FARS2: variants seen among roughly 807,000 people sequenced by gnomAD.
FARS2 encodes the protein phenylalanyl-tRNA synthetase 2, mitochondrial.
In FARS2, 40 loss-of-function variants were observed where a neutral mutation model predicts 46.4. The ratio of observed to expected loss-of-function variants is 0.86; its 90% CI spans 0.67 to 1.12. The LOEUF is 1.12. Among genes scored for constraint, FARS2 ranks in the 50% most tolerant of loss-of-function variants. FARS2 has a pLI of 0.00. For missense variants in FARS2, 513 were observed against 567.9 expected, an observed-to-expected ratio of 0.90 and a Z score of 0.98; for synonymous variants, 234 against 214.9, an observed-to-expected ratio of 1.09 and a Z score of -0.78.
intron 6 of FARS2, among the ~76,000 whole-genome samples, chr6:5,686,636 T>C (rs971110897): frequency 6.6e-6 from 1 of 152,260 alleles, no homozygotes; most frequent in African/African-American, 2.4e-5. Flanking sequence ...AAGTCTTTGC[T>C]ATTGTGAATA....
Position 5,613,256 on chromosome 6 carries a change from G to A in FARS2, c.1153G>A (p.Val385Ile), listed in dbSNP as rs777618372. The A allele has an allele frequency of 2.5e-6, 4 of 1,613,510 alleles. No individual in the cohort carries two copies. The South Asian group carries it at 3.3e-5, about 13-fold the overall frequency. The change falls in exon 6 of 7, where the codon GTC becomes ATC. Residue 385 changes from valine to isoleucine, a missense_variant. Val to Ile is a conservative substitution (Grantham distance 29). Coordinates refer to ENST00000274680, the MANE Select transcript of FARS2 (RefSeq NM_006567.5). ...CGCAGAAAATGATTTCTATGACTTAGTCCGAACAATTGGAGGAGACCTGGT... is the reference window on the plus strand; with the variant it reads ...CGCAGAAAATGATTTCTATGACTTAATCCGAACAATTGGAGGAGACCTGGT... ...NYAENDFYDL[V>I]RTIGGDLVEK...
intron 5 of FARS2, among the ~76,000 whole-genome samples, chr6:5,612,193 T>C (rs1775225929): frequency 6.6e-6 from 1 of 152,236 alleles, no homozygotes; most frequent in African/African-American, 2.4e-5. Flanking sequence ...ATCATTTATG[T>C]TTGAGCATTT....
At chr6:5,607,229 G>A (rs745315124) in intron 5 of FARS2, among the ~76,000 whole-genome samples, 11 of 151,628 alleles carry the variant, frequency 7.3e-5, no homozygotes, top group Non-Finnish European at 1.5e-4. Flanking sequence ...TTTAGTAGCT[G>A]AATAGAGACA....
At chr6:5,636,334 G>A (rs776384343) in intron 6 of FARS2, among the ~76,000 whole-genome samples, 1 of 152,164 alleles carries the variant, frequency 6.6e-6, no homozygotes, top group African/African-American at 2.4e-5. Context: ...TCGCTGTCTG[G>A]GGTGTCCACC....
At chr6:5,740,337 A>G (rs1761253241) in intron 6 of FARS2, among the ~76,000 whole-genome samples, 1 of 152,174 alleles carries the variant, frequency 6.6e-6, no homozygotes, top group Non-Finnish European at 1.5e-5. Context: ...TGGGAACCTC[A>G]TTGTAGAGCA....
intron 4 of FARS2, among the ~76,000 whole-genome samples, chr6:5,541,916 T>A (rs1480973236): frequency 6.6e-6 from 1 of 152,138 alleles, no homozygotes. Flanking sequence ...AAGTGAGGGT[T>A]CCTCCCCCTT....
chr6:5,408,298 T>C (rs1761732479), intron 3 of FARS2, among the ~76,000 whole-genome samples: 3 of 151,940 alleles, frequency 2.0e-5, no homozygotes, highest in South Asian at 4.2e-4. Context: ...CGCTGACACC[T>C]GGTAAGTGGG....
At chr6:5,701,389 G>A (rs749756341) in intron 6 of FARS2, among the ~76,000 whole-genome samples, 11 of 152,224 alleles carry the variant, frequency 7.2e-5, no homozygotes, top group African/African-American at 1.2e-4. Context: ...GGCGTGGGGC[G>A]TGTGTCATTG....
At chr6:5,464,364 G>A (rs1765402052) in intron 4 of FARS2, among the ~76,000 whole-genome samples, 1 of 152,230 alleles carries the variant, frequency 6.6e-6, no homozygotes, top group South Asian at 2.1e-4. Flanking sequence ...CCTCAGGCCA[G>A]TGTCCTCCAA....
At chr6:5,494,774 C>A (rs538347281) in intron 4 of FARS2, among the ~76,000 whole-genome samples, 1 of 152,284 alleles carries the variant, frequency 6.6e-6, no homozygotes, top group Non-Finnish European at 1.5e-5. Flanking sequence ...TAGTCTGTAC[C>A]AAGAGGCTTT....
chr6:5,390,625 A>G (rs539637522), intron 2 of FARS2, among the ~76,000 whole-genome samples: 33 of 152,338 alleles, frequency 2.2e-4, no homozygotes, highest in African/African-American at 4.8e-4. Context: ...AGTGTATATA[A>G]GGAACATTTA....
At position 5,593,942 on chromosome 6, in the gene FARS2, G is replaced by A. The variant is rs375409716; in HGVS notation, c.1066-19227G>A. On this transcript the variant is annotated intron_variant, in intron 5 of 6. Transcript: ENST00000274680. ...CACAGCAGCTAAATCCCTGGCTAAGGGTCTGTGGAAGGAGTGTTTCCACGT... is the reference window on the plus strand; with the variant it reads ...CACAGCAGCTAAATCCCTGGCTAAGAGTCTGTGGAAGGAGTGTTTCCACGT... Among the ~76,000 whole-genome samples the A allele has an allele frequency of 4.6e-5, 7 of 152,278 alleles. No individual in the cohort carries two copies. In the East Asian group the frequency reaches 7.7e-4, roughly 17 times the overall value.
At chr6:5,283,081 T>G (rs779291538) in intron 1 of FARS2, among the ~76,000 whole-genome samples, 139 of 150,310 alleles carry the variant, frequency 9.2e-4, no homozygotes, top group Non-Finnish European at 1.5e-3. Flanking sequence ...GACTAAAAAT[T>G]CAAAAAAAAT....
At chr6:5,758,659 C>A (rs1284645792) in intron 6 of FARS2, among the ~76,000 whole-genome samples, 3 of 152,176 alleles carry the variant, frequency 2.0e-5, no homozygotes, top group Non-Finnish European at 4.4e-5. Context: ...AGAATGTGTT[C>A]CCCTAAATGA....
At chr6:5,570,413 T>C (rs1772573193) in intron 5 of FARS2, among the ~76,000 whole-genome samples, 1 of 152,238 alleles carries the variant, frequency 6.6e-6, no homozygotes, top group South Asian at 2.1e-4. Flanking sequence ...CAACATCTTC[T>C]CTTTATTTCA....
chr6:5,693,706 T>A (rs1415968586), intron 6 of FARS2, among the ~76,000 whole-genome samples: 6 of 152,214 alleles, frequency 3.9e-5, no homozygotes, highest in African/African-American at 1.2e-4. Flanking sequence ...TGGGAGTGAC[T>A]GCTTGGCTAG....
At chr6:5,687,798 C>T (rs1190028929) in intron 6 of FARS2, among the ~76,000 whole-genome samples, 1 of 152,134 alleles carries the variant, frequency 6.6e-6, no homozygotes, top group Non-Finnish European at 1.5e-5. Context: ...GGCAGTATGG[C>T]CATTTTCATG....
chr6:5,581,845 C>CT (rs1773349886), intron 5 of FARS2, among the ~76,000 whole-genome samples: 1 of 151,726 alleles, frequency 6.6e-6, no homozygotes, highest in Non-Finnish European at 1.5e-5. Context: ...TAACATACTT[C>CT]CGGTTAATTC....
At chr6:5,565,094 A>G (rs1206916582) in intron 5 of FARS2, among the ~76,000 whole-genome samples, 1 of 152,254 alleles carries the variant, frequency 6.6e-6, no homozygotes, top group East Asian at 1.9e-4. Context: ...AGTTAAGAGT[A>G]CTCACAGATA....
Sources: gnomAD v4.1 joint callset for allele counts (sites outside exome capture counted in the v4.1 genomes callset) on GRCh38, gnomAD v4.1.1 for gene constraint, MANE v1.5 for transcripts, NCBI Gene and HGNC (gene_info 2026-07-23, HGNC 2026-07-21) for gene names.